Variants in NEK11 observed in about 807,000 individuals in gnomAD.
NEK11 encodes the protein serine/threonine-protein kinase Nek11.
A neutral mutation model predicts 80.7 loss-of-function variants in NEK11; 72 were observed. The ratio of observed to expected loss-of-function variants is 0.89; its 90% CI spans 0.74 to 1.08. The LOEUF is 1.08. NEK11 is among the 50% of genes least tolerant of loss of function. The probability of loss-of-function intolerance (pLI) is 0.00; values close to 1 mark genes in which losing one functional copy is unlikely to be tolerated. For synonymous variants in NEK11, 251 were observed against 260.7 expected, an observed-to-expected ratio of 0.96 and a Z score of 0.36; for missense variants, 764 against 763.6, an observed-to-expected ratio of 1.00 and a Z score of -0.01.
intron 16 of NEK11, among the ~76,000 whole-genome samples, chr3:131,260,726 A>C (rs1240091037): frequency 3.3e-5 from 5 of 152,086 alleles, no homozygotes; most frequent in African/African-American, 1.2e-4. Context: ...AGCCATGAGG[A>C]TATACTTTTG....
chr3:131,139,085 C>T (rs771476076), intron 7 of NEK11, among the ~76,000 whole-genome samples: 1 of 151,986 alleles, frequency 6.6e-6, no homozygotes, highest in Non-Finnish European at 1.5e-5. Context: ...ACCTTTCAGA[C>T]AGAGAATTCA....
intron 5 of NEK11, among the ~76,000 whole-genome samples, chr3:131,123,244 G>A (rs1425726670): frequency 2.6e-5 from 4 of 151,982 alleles, no homozygotes; most frequent in Non-Finnish European, 5.9e-5. Flanking sequence ...TCGGCTCACT[G>A]TAACCTCTGC....
intron 3 of NEK11, among the ~76,000 whole-genome samples, chr3:131,033,821 T>C (rs2065232559): frequency 6.6e-6 from 1 of 152,208 alleles, no homozygotes; most frequent in South Asian, 2.1e-4. Flanking sequence ...TGATGCATGT[T>C]TGGAGAGTTT....
chr3:131,243,895 G>A (rs1011882313), intron 16 of NEK11, among the ~76,000 whole-genome samples: 5 of 152,064 alleles, frequency 3.3e-5, no homozygotes, highest in African/African-American at 1.2e-4. Context: ...GTTATTTGAA[G>A]AGATTTGGTC....
At chr3:131,101,722 C>G (rs750916349) in intron 4 of NEK11, among the ~76,000 whole-genome samples, 2 of 152,146 alleles carry the variant, frequency 1.3e-5, no homozygotes, top group Non-Finnish European at 2.9e-5. Flanking sequence ...ATGGAGTGTT[C>G]TATAAATGTT....
At chr3:131,180,062 A>G (rs1412435554) in intron 14 of NEK11, among the ~76,000 whole-genome samples, 1 of 152,182 alleles carries the variant, frequency 6.6e-6, no homozygotes, top group Non-Finnish European at 1.5e-5. Flanking sequence ...GGCTTCTTCT[A>G]TTTTATACCA....
chr3:131,196,112 T>G (rs2094000279), intron 14 of NEK11, among the ~76,000 whole-genome samples: 1 of 151,984 alleles, frequency 6.6e-6, no homozygotes, highest in African/African-American at 2.4e-5. Context: ...TACTGTGATA[T>G]AAAACTCTTA....
chr3:131,122,689 T>C (rs1366393389), intron 5 of NEK11, among the ~76,000 whole-genome samples: 4 of 152,180 alleles, frequency 2.6e-5, no homozygotes, highest in Non-Finnish European at 5.9e-5. Context: ...AAACTGTTCA[T>C]ATTAGGGCTT....
At position 131,296,808 on chromosome 3, in the gene NEK11, C is replaced by G. The variant is rs917550179; in HGVS notation, c.1718+23234C>G. The stretch of plus-strand genomic sequence containing the variant: ...GTATAGCTCCTAATGCTATCCCTCC[C>G]CACTCCCCCCACCCCACAACAGTCC... On this transcript the variant is annotated intron_variant, in intron 17 of 17. Transcript: ENST00000383366. Among the ~76,000 whole-genome samples, 11 of 152,056 alleles carry G rather than the reference C, an allele frequency of 7.2e-5. No individual in the cohort carries two copies. The South Asian group carries it at 2.3e-3, about 32-fold the overall frequency.
intron 3 of NEK11, among the ~76,000 whole-genome samples, chr3:131,042,716 C>G (rs887194709): frequency 6.6e-6 from 1 of 152,182 alleles, no homozygotes; most frequent in African/African-American, 2.4e-5. Flanking sequence ...TGCCTGCTGA[C>G]TCTGAAGAGA....
At chr3:131,283,664 G>T (rs2096432985) in intron 17 of NEK11, among the ~76,000 whole-genome samples, 1 of 152,030 alleles carries the variant, frequency 6.6e-6, no homozygotes, top group Admixed American at 6.6e-5. Context: ...TGCAGTGATG[G>T]TTCTTTTCTC....
intron 3 of NEK11, among the ~76,000 whole-genome samples, chr3:131,070,523 C>T (rs555753734): frequency 3.3e-5 from 5 of 152,106 alleles, no homozygotes; most frequent in Non-Finnish European, 7.4e-5. Flanking sequence ...TCCTAGCTTC[C>T]GTGAGATTTC....
At chr3:131,153,328 T>C (rs1377137992) in intron 9 of NEK11, among the ~76,000 whole-genome samples, 1 of 152,212 alleles carries the variant, frequency 6.6e-6, no homozygotes, top group Non-Finnish European at 1.5e-5. Flanking sequence ...TGCTAAAATC[T>C]AGGGTTATCA....
chr3:131,317,094 A>T (rs1179420736), intron 17 of NEK11, among the ~76,000 whole-genome samples: 1 of 152,168 alleles, frequency 6.6e-6, no homozygotes, highest in Admixed American at 6.5e-5. Flanking sequence ...ATCTCATCCA[A>T]TATAGAAAAT....
At chr3:131,077,700 G>A (rs747993123) in intron 3 of NEK11, among the ~76,000 whole-genome samples, 1 of 152,070 alleles carries the variant, frequency 6.6e-6, no homozygotes, top group African/African-American at 2.4e-5. Flanking sequence ...GCTAGCTGGG[G>A]TACAGTAAAT....
At chr3:131,213,136 C>A (rs781763871) in intron 14 of NEK11, among the ~76,000 whole-genome samples, 38 of 152,054 alleles carry the variant, frequency 2.5e-4, no homozygotes, top group Non-Finnish European at 4.7e-4. Context: ...ACTTGCCAGC[C>A]CCCATAATTG....
chr3:131,095,286 A>G (rs541787986), intron 4 of NEK11, among the ~76,000 whole-genome samples: 1 of 152,104 alleles, frequency 6.6e-6, no homozygotes, highest in Non-Finnish European at 1.5e-5. Context: ...AGAAATTCTT[A>G]TCTAATCTAA....
intron 17 of NEK11, among the ~76,000 whole-genome samples, chr3:131,282,191 A>G (rs2096405871): frequency 6.6e-6 from 1 of 152,074 alleles, no homozygotes; most frequent in Non-Finnish European, 1.5e-5. Flanking sequence ...AATCTCTAAT[A>G]TCTAGGAGGA....
chr3:131,337,805 T>A (rs969573485), intron 17 of NEK11, among the ~76,000 whole-genome samples: 1 of 152,102 alleles, frequency 6.6e-6, no homozygotes, highest in African/African-American at 2.4e-5. Context: ...CCCCCCTCCA[T>A]GTAGTGCCAT....
Sources: allele counts gnomAD v4.1 joint callset (sites outside exome capture counted in the v4.1 genomes callset), GRCh38; gene constraint gnomAD v4.1.1; transcripts MANE v1.5; gene names NCBI Gene and HGNC (gene_info 2026-07-23, HGNC 2026-07-21).